TCTN2: variants seen among roughly 807,000 people sequenced by gnomAD.
TCTN2 encodes the protein tectonic-2.
In TCTN2, 66 loss-of-function variants were observed where a neutral mutation model predicts 83.4. The ratio of observed to expected loss-of-function variants is 0.79; its 90% CI spans 0.65 to 0.97. The LOEUF (loss-of-function observed/expected upper bound fraction) is 0.97, where lower values mean the gene tolerates loss of function less well. Ranked by LOEUF, TCTN2 falls within the 50% of genes least tolerant of loss-of-function variation. The probability of loss-of-function intolerance (pLI) is 0.00; values close to 1 mark genes in which losing one functional copy is unlikely to be tolerated. For synonymous variants in TCTN2, 301 were observed against 326.7 expected, an observed-to-expected ratio of 0.92 and a Z score of 0.85; for missense variants, 794 against 858.1, an observed-to-expected ratio of 0.93 and a Z score of 0.93.
chr12:123,695,125 A>T, intron 10 of TCTN2, 95 bp from the exon 11 acceptor site: 1 of 1,405,228 alleles, frequency 7.1e-7, no homozygotes, highest in South Asian at 1.2e-5. Context: ...TACACTTTGT[A>T]TGACAAAATG....
rs1434995100 is a variant in TCTN2, at chr12:123,706,862, T to G, written c.1895+11T>G. On this transcript the variant is annotated intron_variant, in intron 16 of 17. Coordinates refer to ENST00000303372, the MANE Select transcript of TCTN2 (RefSeq NM_024809.5). ...CCACCCCCTGACAAGGTACTCCAGT[T>G]GCTCACCTAGTTGACATTAGGAAGC... 1 of 1,614,074 alleles carries G rather than the reference T, an allele frequency of 6.2e-7. No individual in the cohort carries two copies. Among genetic ancestry groups the G allele is most frequent in the Non-Finnish European group, 8.5e-7 (1 of 1,180,038 alleles).
At chr12:123,676,678 T>G (rs1955826937) in intron 4 of TCTN2, among the ~76,000 whole-genome samples, 1 of 151,876 alleles carries the variant, frequency 6.6e-6, no homozygotes, top group Non-Finnish European at 1.5e-5. Context: ...ATATGAGTGA[T>G]TGAGTTGTCA....
chr12:123,699,691 TAC>T lies in TCTN2; in HGVS notation c.1506-12_1506-11del. On this transcript the variant is annotated splice_polypyrimidine_tract_variant and intron_variant, in intron 13 of 17. Transcript: ENST00000303372. ...GCTGGCCATGAGCTGAGAAATGTCT[TAC>T]TCTCTTGCAGGGAGAATGCTGTTGA... The T allele has an allele frequency of 6.2e-7, 1 of 1,607,226 alleles. No individual in the cohort carries two copies. Among genetic ancestry groups the T allele is most frequent in the Non-Finnish European group, 8.5e-7 (1 of 1,173,722 alleles).
chr12:123,678,337 A>ATT (rs1469970309), intron 4 of TCTN2, among the ~76,000 whole-genome samples: 1 of 152,266 alleles, frequency 6.6e-6, no homozygotes, highest in Non-Finnish European at 1.5e-5. Flanking sequence ...AATGTGGAAT[A>ATT]GCTCATTCAT....
chr12:123,690,794 A>G (rs1200173134), intron 8 of TCTN2, 120 bp downstream of exon 8: 1 of 1,273,710 alleles, frequency 7.9e-7, no homozygotes, highest in African/African-American at 1.5e-5. Context: ...ACTGCCAATT[A>G]TTTTCTTTGG....
chr12:123,677,162 C>G lies in TCTN2; in HGVS notation c.464-2027C>G, dbSNP rs551189005. 2.5e-4 allele frequency among the ~76,000 whole-genome samples: 38 copies of G among 152,232 alleles called. No homozygotes were observed. The South Asian group carries it at 7.3e-3, about 29-fold the overall frequency. On this transcript the variant is annotated intron_variant, in intron 4 of 17. Coordinates refer to ENST00000303372, the MANE Select transcript of TCTN2 (RefSeq NM_024809.5). ...CCATTTCACACTTCAGCCTGGGCAG[C>G]AGAGTGAGACCCTGTCTCAAAAAAA...
At chr12:123,675,214 T>C (rs896211179) in intron 4 of TCTN2, among the ~76,000 whole-genome samples, 3 of 152,352 alleles carry the variant, frequency 2.0e-5, no homozygotes, top group Middle Eastern at 3.4e-3. Flanking sequence ...AAGATCGTTA[T>C]GCCCGTGTAC....
At chr12:123,687,380 G>A (rs572445904) in intron 6 of TCTN2, among the ~76,000 whole-genome samples, 5 of 152,262 alleles carry the variant, frequency 3.3e-5, no homozygotes, top group Admixed American at 2.0e-4. Flanking sequence ...AAAGTAGGCC[G>A]GGAGCGGTGG....
chr12:123,696,216 G>T (rs547437527), intron 11 of TCTN2, 199 bp from the exon 12 acceptor site: 4 of 590,618 alleles, frequency 6.8e-6, no homozygotes, highest in Admixed American at 5.6e-5. Context: ...GTAACAAGTT[G>T]CTGTAAATGT....
intron 4 of TCTN2, among the ~76,000 whole-genome samples, chr12:123,676,914 A>G (rs1337890339): frequency 2.0e-5 from 3 of 152,200 alleles, no homozygotes; most frequent in Non-Finnish European, 4.4e-5. Flanking sequence ...CTCATGTACT[A>G]TGCCTGTAAT....
rs747637823 is a variant in TCTN2, at chr12:123,679,240, C to T, written c.515C>T (p.Pro172Leu). ...GTGTATCAGCCCCTTGGCCCTTGTCCTTGTAATTTAACAGCTGGAGCCTGT... is the reference window on the plus strand; with the variant it reads ...GTGTATCAGCCCCTTGGCCCTTGTCTTTGTAATTTAACAGCTGGAGCCTGT... ...NQVYQPLGPC[P>L]CNLTAGACDV... The change falls in exon 5 of 18, where the codon CCT (proline) becomes CTT (leucine). Residue 172 changes from proline to leucine, a missense_variant. Coordinates refer to ENST00000303372, the MANE Select transcript of TCTN2 (RefSeq NM_024809.5). 1 of 1,614,120 alleles carries T rather than the reference C, an allele frequency of 6.2e-7. No homozygotes were observed. The highest frequency in any genetic ancestry group is 1.6e-4 in the Middle Eastern group (1 of 6,062).
rs370712223 is a variant in TCTN2 at position 123,702,546 on chromosome 12, G to A, written c.1613-1986G>A. 5.8e-4 allele frequency among the ~76,000 whole-genome samples: 88 copies of A among 152,174 alleles called. 1 individual carries two copies. The highest frequency in any genetic ancestry group is 3.4e-3 in the Middle Eastern group (1 of 292). ...GAGTCCTGTTGGACTCCACCCCCAC[G>A]GGGCACTCAGGCTGCTGTTTGCTCA... On this transcript the variant is annotated intron_variant, in intron 14 of 17. Transcript: ENST00000303372.
At chr12:123,673,370 C>A (rs910945358) in intron 3 of TCTN2, among the ~76,000 whole-genome samples, 11 of 152,090 alleles carry the variant, frequency 7.2e-5, no homozygotes, top group African/African-American at 2.4e-4. Flanking sequence ...TTTATCAGAT[C>A]TGTGTTTAGC....
In TCTN2 at chr12:123,678,230, C is replaced by A. The variant is rs567965742; in HGVS notation, c.464-959C>A. ...TGGGTACCACAGCCACGAACCATGT[C>A]TGGACACTGGACAGTTGAAAGGGGA... On this transcript the variant is annotated intron_variant, in intron 4 of 17. Coordinates refer to ENST00000303372, the MANE Select transcript of TCTN2 (RefSeq NM_024809.5). Among the ~76,000 whole-genome samples the A allele has an allele frequency of 6.6e-5, 10 of 152,330 alleles. No homozygotes were observed. The South Asian group carries it at 1.7e-3, about 25-fold the overall frequency.
At chr12:123,676,454 G>C (rs1566244935) in intron 4 of TCTN2, among the ~76,000 whole-genome samples, 1 of 150,850 alleles carries the variant, frequency 6.6e-6, no homozygotes, top group Non-Finnish European at 1.5e-5. Flanking sequence ...TGGAGTCCCA[G>C]CTACTCGAGA....
intron 7 of TCTN2, 53 bp downstream of exon 7, chr12:123,688,230 T>TA: frequency 1.3e-6 from 2 of 1,550,502 alleles, no homozygotes; most frequent in Non-Finnish European, 8.8e-7. Flanking sequence ...TTTTTTTTTT[T>TA]TATGAGACGG....
At chr12:123,691,285 C>T (rs1593852625) in intron 8 of TCTN2, among the ~76,000 whole-genome samples, 1 of 152,288 alleles carries the variant, frequency 6.6e-6, no homozygotes, top group Middle Eastern at 3.4e-3. Context: ...GGCATCTGTA[C>T]CCATTAGCAG....
At chr12:123,676,882 G>A (rs997094812) in intron 4 of TCTN2, among the ~76,000 whole-genome samples, 1 of 152,124 alleles carries the variant, frequency 6.6e-6, no homozygotes, top group Non-Finnish European at 1.5e-5. Context: ...ATTCTGAAGT[G>A]TCTCGTGGCT....
Position 123,695,272 on chromosome 12 carries a change from TGAA to T in TCTN2, c.1294_1296del (p.Glu432del), listed in dbSNP as rs1956094195. The T allele has an allele frequency of 6.3e-7, 1 of 1,580,546 alleles. No individual in the cohort carries two copies. The highest frequency in any genetic ancestry group is 8.7e-7 in the Non-Finnish European group (1 of 1,149,696). Reference sequence around the variant, plus strand: ...AATTTTTAAGCTATAATAGTGGTAATGAAGAAGAATTATCTGGAAATCCAGGTA... The same window carrying T: ...AATTTTTAAGCTATAATAGTGGTAATGAAGAATTATCTGGAAATCCAGGTA... On this transcript the variant is annotated inframe_deletion, in exon 11 of 18. Coordinates refer to ENST00000303372, the MANE Select transcript of TCTN2 (RefSeq NM_024809.5).
Sources: gnomAD v4.1 joint callset for allele counts (sites outside exome capture counted in the v4.1 genomes callset) on GRCh38, gnomAD v4.1.1 for gene constraint, MANE v1.5 for transcripts, NCBI Gene and HGNC (gene_info 2026-07-23, HGNC 2026-07-21) for gene names.